Variants in ERBB4 observed in about 807,000 individuals in gnomAD.
The protein encoded by ERBB4 is erb-b2 receptor tyrosine kinase 4, also known as receptor tyrosine-protein kinase erbB-4.
In ERBB4, 42 loss-of-function variants were observed where a neutral mutation model predicts 158.0. The ratio of observed to expected loss-of-function variants is 0.27; its 90% CI spans 0.21 to 0.34. The LOEUF (loss-of-function observed/expected upper bound fraction) is 0.34, where lower values mean the gene tolerates loss of function less well. Among genes scored for constraint, ERBB4 ranks in the 10% least tolerant of loss-of-function variants. The pLI is 1.00. For synonymous variants in ERBB4, 583 were observed against 558.7 expected, an observed-to-expected ratio of 1.04 and a Z score of -0.61; for missense variants, 1,333 against 1,624.1, an observed-to-expected ratio of 0.82 and a Z score of 3.08.
Position 211,456,678 on chromosome 2 carries a change from T to C in ERBB4, c.2488-25578A>G, listed in dbSNP as rs979401777. ...TGGTTCGTGGAAGACAATTTTTCCA[T>C]GGATGTGGGAGGAGGGGAGAGGGAT... is the stretch of plus-strand genomic sequence containing the variant. On this transcript the variant is annotated intron_variant, in intron 20 of 27. Coordinates refer to ENST00000342788, the MANE Select transcript of ERBB4 (RefSeq NM_005235.3). Among the ~76,000 whole-genome samples the C allele has an allele frequency of 1.2e-4, 18 of 152,200 alleles. No individual in the cohort carries two copies. The East Asian group carries it at 2.3e-3, about 20-fold the overall frequency.
intron 4 of ERBB4, among the ~76,000 whole-genome samples, chr2:211,754,607 C>T (rs1296537789): frequency 6.6e-6 from 1 of 151,920 alleles, no homozygotes; most frequent in Non-Finnish European, 1.5e-5. Context: ...CGGGGTTTCA[C>T]CATCTTGGCC....
At chr2:211,495,642 C>T (rs2125580794) in intron 20 of ERBB4, among the ~76,000 whole-genome samples, 1 of 152,124 alleles carries the variant, frequency 6.6e-6, no homozygotes, top group Admixed American at 6.5e-5. Flanking sequence ...ATTTTCCTCT[C>T]TACTAGGCAC....
chr2:211,594,453 A>G (rs551735969), intron 19 of ERBB4, among the ~76,000 whole-genome samples: 2 of 151,514 alleles, frequency 1.3e-5, no homozygotes, highest in Non-Finnish European at 2.9e-5. Context: ...AAAATAACAA[A>G]TAAAAAAAAA....
At chr2:211,516,792 T>C (rs919169491) in intron 20 of ERBB4, among the ~76,000 whole-genome samples, 1 of 152,120 alleles carries the variant, frequency 6.6e-6, no homozygotes, top group African/African-American at 2.4e-5. Flanking sequence ...AAGCAAGAAG[T>C]AGTAGCTCTG....
At chr2:211,594,394 G>A (rs1232039802) in intron 19 of ERBB4, among the ~76,000 whole-genome samples, 1 of 151,446 alleles carries the variant, frequency 6.6e-6, no homozygotes, top group Admixed American at 6.6e-5. Context: ...AGCTGAAATC[G>A]CACCACTGCA....
At chr2:211,741,402 C>T (rs991298598) in intron 5 of ERBB4, among the ~76,000 whole-genome samples, 31 of 151,708 alleles carry the variant, frequency 2.0e-4, no homozygotes, top group Admixed American at 3.9e-4. Context: ...AGTTTCCATT[C>T]TCTCAATCTA....
chr2:211,601,644 T>C (rs2068803775), intron 19 of ERBB4, among the ~76,000 whole-genome samples: 1 of 152,188 alleles, frequency 6.6e-6, no homozygotes, highest in African/African-American at 2.4e-5. Context: ...CTAGAATAAA[T>C]TGGAAAATAT....
chr2:211,691,718 G>T (rs895338052), intron 12 of ERBB4, among the ~76,000 whole-genome samples: 1 of 151,984 alleles, frequency 6.6e-6, no homozygotes, highest in East Asian at 1.9e-4. Flanking sequence ...AAATAAGAAG[G>T]GTAAGTAAGA....
chr2:211,462,414 C>A (rs941782788), intron 20 of ERBB4, among the ~76,000 whole-genome samples: 1 of 151,964 alleles, frequency 6.6e-6, no homozygotes, highest in Non-Finnish European at 1.5e-5. Flanking sequence ...TTTTAACTTT[C>A]TAATGGAAAT....
At chr2:211,888,734 T>C (rs556602926) in intron 3 of ERBB4, among the ~76,000 whole-genome samples, 20,063 of 150,402 alleles carry the variant, frequency 0.13, 1,300 homozygotes, top group African/African-American at 0.22. Context: ...TTGCCTCACC[T>C]GGGAAGCGCG....
At chr2:211,821,426 G>T (rs2076992459) in intron 3 of ERBB4, among the ~76,000 whole-genome samples, 1 of 151,860 alleles carries the variant, frequency 6.6e-6, no homozygotes, top group South Asian at 2.1e-4. Flanking sequence ...AATTAATATT[G>T]TTAAAATGAC....
At chr2:212,278,969 C>T (rs2085648177) in intron 1 of ERBB4, among the ~76,000 whole-genome samples, 1 of 151,390 alleles carries the variant, frequency 6.6e-6, no homozygotes, top group South Asian at 2.1e-4. Flanking sequence ...TGGATGGTTT[C>T]CTTTGCATAT....
chr2:212,123,128 G>C (rs565802426), intron 2 of ERBB4, among the ~76,000 whole-genome samples: 1 of 152,182 alleles, frequency 6.6e-6, no homozygotes. Context: ...TGGGCCGGGC[G>C]CGGTGGCTCA....
chr2:212,342,752 T>A (rs1318385554), intron 1 of ERBB4, among the ~76,000 whole-genome samples: 1 of 152,204 alleles, frequency 6.6e-6, no homozygotes, highest in Admixed American at 6.5e-5. Flanking sequence ...AGACTTCTCA[T>A]CTCTTTAATA....
chr2:211,665,280 A>G, intron 15 of ERBB4, 43 bp downstream of exon 15: 1 of 1,602,872 alleles, frequency 6.2e-7, no homozygotes, highest in Non-Finnish European at 8.5e-7. Flanking sequence ...ATACATGTGG[A>G]TAACACATAC....
At chr2:212,226,187 C>T (rs1202168159) in intron 1 of ERBB4, among the ~76,000 whole-genome samples, 1 of 152,172 alleles carries the variant, frequency 6.6e-6, no homozygotes, top group East Asian at 1.9e-4. Flanking sequence ...TGGAGAGCAA[C>T]CCCAGGCTGT....
rs372561938 is a variant in ERBB4 at position 211,833,270 on chromosome 2, T to C, written c.422-45111A>G. ...AGAAATAAGGCAGCTCCCTGACTGG[T>C]TAATTCAATTACTTAAAGATGTCTT... is the stretch of plus-strand genomic sequence containing the variant. On this transcript the variant is annotated intron_variant, in intron 3 of 27. Transcript: ENST00000342788. Among the ~76,000 whole-genome samples the C allele has an allele frequency of 1.4e-4, 21 of 152,256 alleles. No individual in the cohort carries two copies. The South Asian group carries it at 4.4e-3, about 32-fold the overall frequency.
chr2:212,134,096 A>G (rs1281719955), intron 1 of ERBB4, among the ~76,000 whole-genome samples: 1 of 152,094 alleles, frequency 6.6e-6, no homozygotes, highest in African/African-American at 2.4e-5. Context: ...CATACATTTC[A>G]TCATGTTATA....
At chr2:211,860,499 T>C (rs537943271) in intron 3 of ERBB4, among the ~76,000 whole-genome samples, 58 of 152,300 alleles carry the variant, frequency 3.8e-4, no homozygotes, top group Non-Finnish European at 7.1e-4. Flanking sequence ...TCAATTATCA[T>C]TGTCCCTGGG....
Sources: gnomAD v4.1 joint callset for allele counts (sites outside exome capture counted in the v4.1 genomes callset) on GRCh38, gnomAD v4.1.1 for gene constraint, MANE v1.5 for transcripts, NCBI Gene and HGNC (gene_info 2026-07-23, HGNC 2026-07-21) for gene names.